Variants in COL5A1 observed in about 807,000 individuals in gnomAD.
The protein encoded by COL5A1 is collagen type V alpha 1 chain.
Under a neutral mutation model 263.7 loss-of-function variants are expected in COL5A1, and 16 were observed. The ratio of observed to expected loss-of-function variants is 0.06; its 90% confidence interval spans 0.04 to 0.09. The LOEUF (loss-of-function observed/expected upper bound fraction) is 0.09. COL5A1 is among the 10% of genes least tolerant of loss of function. COL5A1 has a pLI of 1.00. For synonymous variants in COL5A1, 1,012 were observed against 1,004.5 expected (o/e 1.01, Z -0.14); for missense variants, 2,036 against 2,540.5 (o/e 0.80, Z 4.27).
chr9:134,759,989 CCA>C (rs1282489171), intron 18 of COL5A1, among the ~76,000 whole-genome samples: 6 of 120,962 alleles, frequency 5.0e-5, no homozygotes, highest in South Asian at 3.0e-4. Context: ...ACATGCACAC[CCA>C]CACACCCCAC....
intron 1 of COL5A1, among the ~76,000 whole-genome samples, chr9:134,654,845 C>T (rs1187049328): frequency 1.7e-4 from 9 of 53,668 alleles, no homozygotes; most frequent in East Asian, 6.4e-4. Flanking sequence ...GTGTGGGGCT[C>T]GTGTGTGTAG....
At chr9:134,712,636 C>G (rs1403220917) in intron 4 of COL5A1, among the ~76,000 whole-genome samples, 1 of 91,516 alleles carries the variant, frequency 1.1e-5, no homozygotes, top group Non-Finnish European at 2.2e-5. Context: ...TTCCTGTTCC[C>G]CCTCCTTCCT....
At chr9:134,756,896 C>CATTT in intron 17 of COL5A1, 78 bp downstream of exon 17, 1 of 1,367,366 alleles carries the variant, frequency 7.3e-7, no homozygotes, top group Non-Finnish European at 1.0e-6. Context: ...AACCAAAATG[C>CATTT]TGGTTATGTG....
chr9:134,761,997 C>A lies in COL5A1; in HGVS notation c.1989+19C>A. The A allele has an allele frequency of 6.2e-7, 1 of 1,612,064 alleles. No homozygotes were observed. ...AGAAAGGGTAGGTATTCTGCCGTCCCTCCGACTGCTCCTGCCTGCCCTACT... is the reference window on the plus strand; with the variant it reads ...AGAAAGGGTAGGTATTCTGCCGTCCATCCGACTGCTCCTGCCTGCCCTACT... On this transcript the variant is annotated intron_variant, in intron 19 of 65. Coordinates refer to ENST00000371817, the MANE Select transcript of COL5A1 (RefSeq NM_000093.5).
rs561361325 is a variant in COL5A1 at position 134,769,649 on chromosome 9, C to T, written c.2286+1186C>T. Among the ~76,000 whole-genome samples the T allele has an allele frequency of 2.0e-4, 31 of 152,290 alleles. No homozygotes were observed. In the East Asian group the frequency reaches 5.4e-3, roughly 27 times the overall value. ...GCTGTGGTGTCCATGGAGTATGGGC[C>T]GCAATCTGTGGGGACAGTGGCTGGG... On this transcript the variant is annotated intron_variant, in intron 25 of 65. Coordinates refer to ENST00000371817, the MANE Select transcript of COL5A1 (RefSeq NM_000093.5).
intron 64 of COL5A1, among the ~76,000 whole-genome samples, chr9:134,832,559 G>A (rs190358743): frequency 2.6e-5 from 4 of 152,322 alleles, no homozygotes; most frequent in Admixed American, 2.6e-4. Flanking sequence ...AGGGCAGCGT[G>A]CCCCATGCCC....
At position 134,843,671 on chromosome 9, in the gene COL5A1, C is replaced by G. The variant is rs1184248094; in HGVS notation, c.*1368C>G. 6.5e-6 allele frequency: 1 copy of G among 152,686 alleles called. No individual in the cohort carries two copies. The highest frequency in any genetic ancestry group is 2.4e-5 in the African/African-American group (1 of 41,460). The allele number at this position is 152,686 out of a possible 1,614,324, so 9.5% of individuals were successfully genotyped here. On this transcript the variant is annotated 3_prime_UTR_variant, in exon 66 of 66. Transcript: ENST00000371817. ...AATAAAAAGCCTCTTCCTGCATTGTCTGTGGTGTGACCATAGCAGATTATA... is the reference window on the plus strand; with the variant it reads ...AATAAAAAGCCTCTTCCTGCATTGTGTGTGGTGTGACCATAGCAGATTATA...
At chr9:134,839,380 TTG>T (rs1839950128) in intron 65 of COL5A1, among the ~76,000 whole-genome samples, 1 of 152,162 alleles carries the variant, frequency 6.6e-6, no homozygotes, top group African/African-American at 2.4e-5. Context: ...ACTCTGATAA[TTG>T]GAGCAGAGGG....
At position 134,834,968 on chromosome 9, in the gene COL5A1, C is replaced by CA; in HGVS notation, c.5137-2dup. 6.2e-7 allele frequency: 1 copy of CA among 1,610,338 alleles called. No homozygotes were observed. ...CTGAGCCCCAACACCCCTGTCCCCC[C>CA]AGCTCTCCTATGTGGACGCCGAGGG... On this transcript the variant is annotated splice_polypyrimidine_tract_variant and splice_region_variant and intron_variant, in intron 64 of 65. Transcript: ENST00000371817.
chr9:134,736,801 A>G (rs551431490), intron 9 of COL5A1, among the ~76,000 whole-genome samples: 2 of 152,292 alleles, frequency 1.3e-5, no homozygotes, highest in Middle Eastern at 3.4e-3. Context: ...TCCAAACTAC[A>G]TGGTGATGGG....
chr9:134,687,543 G>C (rs894678676), intron 1 of COL5A1, among the ~76,000 whole-genome samples: 3 of 152,146 alleles, frequency 2.0e-5, no homozygotes, highest in African/African-American at 7.2e-5. Flanking sequence ...GTCATGGCGA[G>C]GGTTCCATGG....
chr9:134,779,083 C>T (rs1201796657), intron 27 of COL5A1, among the ~76,000 whole-genome samples: 3 of 152,220 alleles, frequency 2.0e-5, no homozygotes, highest in African/African-American at 4.8e-5. Flanking sequence ...AGAGGGCAGC[C>T]GGCAGGCCCT....
rs368782334 is a variant in COL5A1, at chr9:134,823,430, G to A, written c.4659G>A (p.Pro1553=). Residue 1553 remains proline (P), a synonymous_variant, in exon 61 of 66, where the codon CCG becomes CCA. Transcript: ENST00000371817. The part of the protein sequence containing the change: ...GAKGSSGPTG[P]KGEAGHPGPP... ...TTTCTCCCCAGGGTCCAACTGGCCC[G>A]AAGGGTGAGGCAGGCCACCCAGGAC... is the stretch of plus-strand genomic sequence containing the variant. 102 of 1,614,066 alleles carry A rather than the reference G, an allele frequency of 6.3e-5. No individual in the cohort carries two copies. The highest frequency in any genetic ancestry group is 3.0e-4 in the South Asian group (27 of 91,090).
In COL5A1 at chr9:134,811,563, A is replaced by C. The variant is rs1330978908; in HGVS notation, c.3654A>C (p.Arg1218Ser). 6.4e-7 allele frequency: 1 copy of C among 1,570,814 alleles called. No individual in the cohort carries two copies. Among genetic ancestry groups the C allele is most frequent in the Non-Finnish European group, 8.6e-7 (1 of 1,157,594 alleles). The change falls in exon 46 of 66, where the codon AGA becomes AGC. Residue 1218 changes from arginine to serine, a missense_variant. Around this residue, in one of 3 missense-constraint regions of COL5A1, gnomAD observed 1,078 missense variants for 1,521.4 expected, o/e 0.71. Transcript: ENST00000371817. ...GGCAGAAAGGTGATGAAGGTCCCAG[A>C]GGCTTTCCTGGACCCCCTGGGCCAG... ...LFGQKGDEGP[R>S]GFPGPPGPVG... is the part of the protein sequence containing the mutation.
intron 30 of COL5A1, among the ~76,000 whole-genome samples, 157 bp from the exon 31 acceptor site, chr9:134,785,838 G>A (rs1342228122): frequency 3.9e-5 from 6 of 152,134 alleles, no homozygotes; most frequent in Non-Finnish European, 8.8e-5. Flanking sequence ...CTCCACCTAG[G>A]GCAGGCAGGG....
chr9:134,735,008 C>G (rs745329048), intron 9 of COL5A1, among the ~76,000 whole-genome samples: 1 of 151,864 alleles, frequency 6.6e-6, no homozygotes, highest in Non-Finnish European at 1.5e-5. Context: ...GTCAGGAGTT[C>G]GAGACCATCC....
chr9:134,735,431 C>T (rs1835063325), intron 9 of COL5A1, among the ~76,000 whole-genome samples: 1 of 151,838 alleles, frequency 6.6e-6, no homozygotes, highest in Non-Finnish European at 1.5e-5. Context: ...CCTCTCGTTC[C>T]TCTTTCGCTG....
intron 28 of COL5A1, among the ~76,000 whole-genome samples, chr9:134,780,899 C>A (rs966415402): frequency 6.6e-6 from 1 of 152,274 alleles, no homozygotes; most frequent in Non-Finnish European, 1.5e-5. Flanking sequence ...CGTGGCCTCA[C>A]GCTCTGTTGT....
chr9:134,809,170 C>G lies in COL5A1; in HGVS notation c.3367-13C>G, dbSNP rs761171419. 1.2e-5 allele frequency: 18 copies of G among 1,562,034 alleles called. No individual in the cohort carries two copies. The highest frequency in any genetic ancestry group is 1.5e-5 in the Non-Finnish European group (17 of 1,151,704). On this transcript the variant is annotated splice_polypyrimidine_tract_variant and intron_variant, in intron 42 of 65. Transcript: ENST00000371817. ...GGAGCCACGTTTGACCTGAGATCTT[C>G]TGTATTCTCTAGGGCGAGAAAGGCC...
Sources: gnomAD v4.1 joint callset for allele counts (sites outside exome capture counted in the v4.1 genomes callset) on GRCh38, gnomAD v4.1.1 for gene constraint, gnomAD v4.1.1 regional missense constraint, MANE v1.5 for transcripts, NCBI Gene and HGNC (gene_info 2026-07-23, HGNC 2026-07-21) for gene names.